AFF3: variants seen among roughly 807,000 people sequenced by gnomAD.
The protein encoded by AFF3 is AF4/FMR2 family member 3.
In AFF3, 32 loss-of-function variants were observed where a neutral mutation model predicts 129.7. That is an observed-to-expected ratio of 0.25 (90% CI 0.19 to 0.33). The LOEUF (loss-of-function observed/expected upper bound fraction) is 0.33. Ranked by LOEUF, AFF3 falls within the 10% of genes least tolerant of loss-of-function variation. The pLI is 1.00. For missense variants in AFF3, 1,373 were observed against 1,592.0 expected, an observed-to-expected ratio of 0.86 and a Z score of 2.34; for synonymous variants, 644 against 635.4, an observed-to-expected ratio of 1.01 and a Z score of -0.20.
At chr2:99,957,213 A>G (rs1238203061) in intron 7 of AFF3, among the ~76,000 whole-genome samples, 1 of 151,902 alleles carries the variant, frequency 6.6e-6, no homozygotes, top group Non-Finnish European at 1.5e-5. Context: ...GCGCATTTTT[A>G]GGTAGAGACC....
chr2:99,580,450 G>A (rs889653390), intron 17 of AFF3, among the ~76,000 whole-genome samples: 2 of 152,202 alleles, frequency 1.3e-5, no homozygotes, highest in South Asian at 2.1e-4. Context: ...ACTGGGGCAA[G>A]TTGACAATGC....
chr2:99,665,782 A>G (rs1388987224), intron 12 of AFF3, among the ~76,000 whole-genome samples: 1 of 152,220 alleles, frequency 6.6e-6, no homozygotes, highest in Non-Finnish European at 1.5e-5. Flanking sequence ...AGAAAATCAG[A>G]GTCAGCAAAA....
chr2:99,710,522 C>T (rs1677798931), intron 11 of AFF3, among the ~76,000 whole-genome samples: 1 of 152,312 alleles, frequency 6.6e-6, no homozygotes, highest in East Asian at 1.9e-4. Flanking sequence ...GTTGGTATTA[C>T]AGGTGTGAGG....
intron 7 of AFF3, among the ~76,000 whole-genome samples, chr2:99,994,441 T>A (rs1457183631): frequency 6.6e-6 from 1 of 152,142 alleles, no homozygotes; most frequent in African/African-American, 2.4e-5. Flanking sequence ...GATGGTGGGA[T>A]TTGAGTTGAT....
intron 4 of AFF3, among the ~76,000 whole-genome samples, chr2:100,018,070 AAACCTATAAAATAT>A (rs1387422713): frequency 6.6e-6 from 1 of 151,790 alleles, no homozygotes; most frequent in African/African-American, 2.4e-5. Context: ...AATTCTTCTA[AAACCTATAAAATAT>A]AACTGGAATA....
intron 13 of AFF3, among the ~76,000 whole-genome samples, chr2:99,648,481 G>A (rs1206554442): frequency 1.3e-5 from 2 of 152,172 alleles, no homozygotes; most frequent in Non-Finnish European, 2.9e-5. Context: ...CAGCTTTTGT[G>A]AAAATCCCAA....
At chr2:100,110,664 C>T (rs1691482067) in intron 2 of AFF3, among the ~76,000 whole-genome samples, 1 of 152,204 alleles carries the variant, frequency 6.6e-6, no homozygotes, top group Admixed American at 6.5e-5. Flanking sequence ...TGCTCAGAGT[C>T]CTGCTGGGGG....
At chr2:99,866,252 G>T (rs1338987499) in intron 7 of AFF3, among the ~76,000 whole-genome samples, 1 of 152,202 alleles carries the variant, frequency 6.6e-6, no homozygotes, top group African/African-American at 2.4e-5. Context: ...ACTCCACATG[G>T]TGTTCAGTAG....
intron 7 of AFF3, among the ~76,000 whole-genome samples, chr2:99,979,890 T>C (rs1046758767): frequency 2.0e-5 from 3 of 152,144 alleles, no homozygotes; most frequent in Admixed American, 2.0e-4. Context: ...ACTCCAAATA[T>C]CACCAAGAAC....
intron 7 of AFF3, among the ~76,000 whole-genome samples, chr2:99,924,566 T>G (rs887482119): frequency 6.6e-6 from 1 of 152,208 alleles, no homozygotes; most frequent in Non-Finnish European, 1.5e-5. Context: ...AGTTGTATTC[T>G]CAATCTTTTC....
chr2:99,554,237 A>G, intron 24 of AFF3, 74 bp downstream of exon 24: 1 of 1,506,028 alleles, frequency 6.6e-7, no homozygotes, highest in South Asian at 1.1e-5. Flanking sequence ...CCAGCTACTC[A>G]GGAGGCCGAG....
chr2:99,680,652 G>A (rs1191253383), intron 11 of AFF3, among the ~76,000 whole-genome samples: 1 of 152,182 alleles, frequency 6.6e-6, no homozygotes, highest in Non-Finnish European at 1.5e-5. Context: ...CTAGCTAATG[G>A]TGTGCTTATT....
chr2:99,612,473 G>T (rs1263697485), intron 13 of AFF3, among the ~76,000 whole-genome samples: 1 of 152,198 alleles, frequency 6.6e-6, no homozygotes, highest in African/African-American at 2.4e-5. Flanking sequence ...ACACAGCCTC[G>T]TGAGAAAAAT....
At chr2:100,075,849 C>G (rs769309994) in intron 4 of AFF3, among the ~76,000 whole-genome samples, 5 of 152,122 alleles carry the variant, frequency 3.3e-5, no homozygotes, top group African/African-American at 4.8e-5. Flanking sequence ...ATGTTTTGTG[C>G]CTTTGGAGGC....
intron 4 of AFF3, among the ~76,000 whole-genome samples, chr2:100,053,941 A>T (rs1182843472): frequency 6.6e-6 from 1 of 152,202 alleles, no homozygotes; most frequent in Non-Finnish European, 1.5e-5. Flanking sequence ...CTCTGTATCT[A>T]GGCAATGGTC....
Position 99,554,433 on chromosome 2 carries a change from G to A in AFF3, c.3437C>T (p.Thr1146Ile), listed in dbSNP as rs1674722444. Reference sequence around the variant, plus strand: ...GATGCGCTGTGGGATGCTGACGATGGTCGACGGGGACAGGGCGCTGGCGTT... The same window carrying A: ...GATGCGCTGTGGGATGCTGACGATGATCGACGGGGACAGGGCGCTGGCGTT... ...LSNASALSPS[T>I]IVSIPQRIHQ... The change falls in exon 24 of 25, where the codon ACC (threonine) becomes ATC (isoleucine). Residue 1146 changes from threonine to isoleucine, a missense_variant. Thr to Ile is a moderately conservative substitution (Grantham distance 89, BLOSUM62 -1). Transcript: ENST00000672756. 1 of 1,614,066 alleles carries A rather than the reference G, an allele frequency of 6.2e-7. No homozygotes were observed. Among genetic ancestry groups the A allele is most frequent in the South Asian group, 1.1e-5 (1 of 91,088 alleles).
chr2:99,648,689 G>C (rs1054852712), intron 13 of AFF3, among the ~76,000 whole-genome samples: 1 of 152,036 alleles, frequency 6.6e-6, no homozygotes, highest in Admixed American at 6.6e-5. Context: ...AGCTAAGCTG[G>C]TTTACACAGT....
At chr2:99,702,512 G>A (rs1676962512) in intron 11 of AFF3, among the ~76,000 whole-genome samples, 1 of 151,762 alleles carries the variant, frequency 6.6e-6, no homozygotes, top group African/African-American at 2.4e-5. Context: ...GCTAATTTTT[G>A]TATTTTTAGT....
intron 10 of AFF3, among the ~76,000 whole-genome samples, chr2:99,732,335 G>A (rs1341070337): frequency 6.9e-6 from 1 of 145,248 alleles, no homozygotes. Context: ...GCAACAGAGC[G>A]AGACTCTGTC....
Sources: allele counts gnomAD v4.1 joint callset (sites outside exome capture counted in the v4.1 genomes callset), GRCh38; gene constraint gnomAD v4.1.1; transcripts MANE v1.5; gene names NCBI Gene and HGNC (gene_info 2026-07-23, HGNC 2026-07-21).